The following AXL variants were observed in gnomAD, a reference collection of about 807,000 sequenced individuals.
AXL encodes tyrosine-protein kinase receptor UFO.
A neutral mutation model predicts 104.5 loss-of-function variants in AXL; 52 were observed. The ratio of observed to expected loss-of-function variants is 0.50; its 90% confidence interval spans 0.40 to 0.63. The LOEUF (loss-of-function observed/expected upper bound fraction) is 0.63, where lower values mean the gene tolerates loss of function less well. Ranked by LOEUF, AXL falls within the 20% of genes least tolerant of loss-of-function variation. AXL has a pLI of 0.00. For synonymous variants in AXL, 455 were observed against 473.7 expected, an observed-to-expected ratio of 0.96 and a Z score of 0.51; for missense variants, 1,024 against 1,188.5, an observed-to-expected ratio of 0.86 and a Z score of 2.04.
At chr19:41,255,150 A>G (rs1258373142) in intron 17 of AXL, among the ~76,000 whole-genome samples, 1 of 152,204 alleles carries the variant, frequency 6.6e-6, no homozygotes, top group Non-Finnish European at 1.5e-5. Context: ...AAATGGGATC[A>G]TGCAGTTTGT....
At chr19:41,253,833 C>T (rs1242715559) in intron 17 of AXL, 125 bp downstream of exon 17, 14 of 740,786 alleles carry the variant, frequency 1.9e-5, no homozygotes, top group Non-Finnish European at 3.2e-5. Flanking sequence ...AACTCAGGAC[C>T]AGGAAAGTCA....
Position 41,251,650 on chromosome 19 carries a change from C to T in AXL, c.1712-701C>T, listed in dbSNP as rs539685162. On this transcript the variant is annotated intron_variant, in intron 14 of 19. Coordinates refer to ENST00000301178, the MANE Select transcript of AXL (RefSeq NM_021913.5). ...GGCAAGCCTAGGAGTTCGAGCCTAA[C>T]CTCCAGTGAGCTATGTTTGCTGTGA... 1.1e-4 allele frequency among the ~76,000 whole-genome samples: 17 copies of T among 151,766 alleles called. No homozygotes were observed. In the East Asian group the frequency reaches 2.5e-3, roughly 22 times the overall value.
intron 15 of AXL, 61 bp from the exon 16 acceptor site, chr19:41,252,785 G>A: frequency 1.2e-6 from 2 of 1,606,262 alleles, no homozygotes; most frequent in Non-Finnish European, 1.7e-6. Context: ...AGGCTGGCTG[G>A]TGGGGGGCTT....
chr19:41,221,728 G>A (rs1336062872), intron 3 of AXL, 152 bp from the exon 4 acceptor site: 2 of 751,802 alleles, frequency 2.7e-6, no homozygotes, highest in South Asian at 1.9e-5. Flanking sequence ...TGTGTGTTGG[G>A]TATGGCTCAG....
In AXL at chr19:41,261,509, C is replaced by T. The variant is rs751403022; in HGVS notation, c.*1605C>T. On this transcript the variant is annotated 3_prime_UTR_variant, in exon 20 of 20. Coordinates refer to ENST00000301178, the MANE Select transcript of AXL (RefSeq NM_021913.5). The stretch of plus-strand genomic sequence containing the variant: ...ATTAGGTGCAATTTCAAGGTTCTAA[C>T]CCTATACTGTAGTATTCTTTGGGGT... The T allele has an allele frequency of 3.9e-5, 6 of 152,440 alleles. No individual in the cohort carries two copies. Among genetic ancestry groups the T allele is most frequent in the Middle Eastern group, 3.2e-3 (1 of 316 alleles). The allele number at this position is 152,440 out of a possible 1,614,324, so 9.4% of individuals were successfully genotyped here. A position where few individuals can be genotyped will look rare whatever the true frequency, so the allele number is the denominator to read the frequency against.
chr19:41,248,401 C>A, intron 12 of AXL, 113 bp from the exon 13 acceptor site: 1 of 1,049,794 alleles, frequency 9.5e-7, no homozygotes, highest in Non-Finnish European at 1.5e-6. Context: ...AATTTTAAAT[C>A]AGTGCAGAAG....
intron 14 of AXL, 28 bp from the exon 15 acceptor site, chr19:41,252,323 T>C: frequency 6.2e-7 from 1 of 1,603,788 alleles, no homozygotes; most frequent in Non-Finnish European, 8.5e-7. Context: ...CCTCCCCTCC[T>C]CCTCACGACC....
intron 1 of AXL, 90 bp from the exon 2 acceptor site, chr19:41,220,546 G>C (rs911190355): frequency 1.2e-4 from 146 of 1,194,734 alleles, no homozygotes; most frequent in Non-Finnish European, 1.6e-4. Flanking sequence ...CGGGGTCCTG[G>C]CCGCCGGTGG....
chr19:41,253,817 G>A (rs1417817255), intron 17 of AXL, 109 bp downstream of exon 17: 2 of 884,658 alleles, frequency 2.3e-6, no homozygotes, highest in Non-Finnish European at 3.6e-6. Flanking sequence ...GCTGAGGGCA[G>A]GTCAGAACTC....
chr19:41,232,622 T>C (rs1386917872), intron 6 of AXL, among the ~76,000 whole-genome samples: 1 of 145,816 alleles, frequency 6.9e-6, no homozygotes, highest in African/African-American at 2.5e-5. Flanking sequence ...AACTTCCGTC[T>C]CAAGAAAAAA....
Position 41,257,434 on chromosome 19 carries a change from G to A in AXL, c.2197-59G>A, listed in dbSNP as rs548370544. On this transcript the variant is annotated intron_variant, in intron 18 of 19. Transcript: ENST00000301178. ...AGTGTGGGTGTACCCATGAACCTGGGTATTGGTGCGGGTGATTCTGTGCAG... is the reference window on the plus strand; with the variant it reads ...AGTGTGGGTGTACCCATGAACCTGGATATTGGTGCGGGTGATTCTGTGCAG... 171 of 1,608,076 alleles carry A rather than the reference G, an allele frequency of 1.1e-4. No homozygotes were observed. The East Asian group carries it at 3.4e-3, about 32-fold the overall frequency.
At chr19:41,257,879 G>A (rs2034479805) in intron 19 of AXL, among the ~76,000 whole-genome samples, 1 of 152,216 alleles carries the variant, frequency 6.6e-6, no homozygotes, top group Non-Finnish European at 1.5e-5. Flanking sequence ...CCACCCCCAA[G>A]CCAGGTATCC....
intron 6 of AXL, among the ~76,000 whole-genome samples, chr19:41,231,940 A>AAAC (rs371121303): frequency 0.024 from 3,331 of 140,564 alleles, 113 homozygotes; most frequent in African/African-American, 0.074. Flanking sequence ...AAAAAAAAAG[A>AAAC]AACAACAACA....
At chr19:41,238,709 A>C in intron 8 of AXL, 100 bp downstream of exon 8, 1 of 1,444,388 alleles carries the variant, frequency 6.9e-7, no homozygotes, top group Non-Finnish European at 9.3e-7. Flanking sequence ...GGTAGTACAC[A>C]ATTGCTCTAT....
At chr19:41,251,539 G>A (rs11879429) in intron 14 of AXL, among the ~76,000 whole-genome samples, 21,717 of 150,702 alleles carry the variant, frequency 0.14, 1,720 homozygotes, top group East Asian at 0.28. Context: ...TCAAGCCTGG[G>A]GGACAAGGGC....
chr19:41,251,088 T>C (rs1435139492), intron 14 of AXL, among the ~76,000 whole-genome samples: 1 of 152,188 alleles, frequency 6.6e-6, no homozygotes, highest in Admixed American at 6.5e-5. Flanking sequence ...ACCTCCAAGC[T>C]GTGTGTTCCC....
intron 4 of AXL, among the ~76,000 whole-genome samples, chr19:41,222,885 G>A (rs1301589849): frequency 1.3e-5 from 2 of 148,244 alleles, no homozygotes; most frequent in East Asian, 4.0e-4. Flanking sequence ...CAGCCTGGGC[G>A]ACAGGGCGAG....
chr19:41,222,183 T>C, intron 4 of AXL, 127 bp downstream of exon 4: 2 of 1,078,720 alleles, frequency 1.9e-6, no homozygotes, highest in South Asian at 3.5e-5. Flanking sequence ...TCTGTCTCTC[T>C]CGTTTCTCCC....
chr19:41,246,936 T>C (rs755212880), intron 12 of AXL, among the ~76,000 whole-genome samples: 2 of 152,146 alleles, frequency 1.3e-5, no homozygotes, highest in Admixed American at 6.6e-5. Context: ...ATTCTAACAA[T>C]GTAAAGGTGT....
Sources: gnomAD v4.1 joint callset for allele counts (sites outside exome capture counted in the v4.1 genomes callset) on GRCh38, gnomAD v4.1.1 for gene constraint, MANE v1.5 for transcripts, NCBI Gene and HGNC (gene_info 2026-07-23, HGNC 2026-07-21) for gene names.